PCDHGA1: variants seen among roughly 807,000 people sequenced by gnomAD.
PCDHGA1 encodes protocadherin gamma-A1.
PCDHGA1 carries 32 observed loss-of-function variants against 58.0 expected under a neutral mutation model. The ratio of observed to expected loss-of-function variants is 0.55; its 90% CI spans 0.42 to 0.74. The LOEUF (loss-of-function observed/expected upper bound fraction) is 0.74. Among genes scored for constraint, PCDHGA1 ranks in the 30% least tolerant of loss-of-function variants. The pLI, the probability that PCDHGA1 is intolerant of heterozygous loss-of-function variation, is 0.00. For missense variants in PCDHGA1, 1,205 were observed against 1,182.3 expected (o/e 1.02, Z -0.28); for synonymous variants, 498 against 501.1 (o/e 0.99, Z 0.08).
rs751921344 is a variant in PCDHGA1, at chr5:141,347,052, C to CTCCT, written c.2421+13964_2421+13967dup. ...CTTCCTTCCTTCCTCTCTCTCTTTC[C>CTCCT]TCCTTCCTTCCTTCCTTCCTCTCTC... On this transcript the variant is annotated intron_variant, in intron 1 of 3. Coordinates refer to ENST00000517417, the MANE Select transcript of PCDHGA1 (RefSeq NM_018912.3). Among the ~76,000 whole-genome samples the CTCCT allele has an allele frequency of 6.4e-5, 9 of 140,360 alleles. No homozygotes were observed. The South Asian group carries it at 6.8e-4, about 11-fold the overall frequency. 92.1% of individuals were successfully genotyped at this position (140,360 alleles called of 152,430 possible).
At chr5:141,346,568 C>T (rs771814599) in intron 1 of PCDHGA1, 68 of 1,430,610 alleles carry the variant, frequency 4.8e-5, no homozygotes, top group African/African-American at 1.4e-5. Flanking sequence ...GTCATTAGTC[C>T]TTTGACTAAA....
intron 1 of PCDHGA1, chr5:141,408,732 AT>A (rs1172232848): frequency 6.2e-7 from 1 of 1,610,014 alleles, no homozygotes; most frequent in Non-Finnish European, 8.5e-7. Context: ...TCTAATCCTT[AT>A]TTTTCATTAA....
intron 1 of PCDHGA1, chr5:141,384,502 C>A: frequency 6.2e-7 from 1 of 1,614,194 alleles, no homozygotes; most frequent in Non-Finnish European, 8.5e-7. Context: ...AGTGACTGCA[C>A]ATGACAGCGG....
At chr5:141,406,436 T>C (rs1207276044) in intron 1 of PCDHGA1, among the ~76,000 whole-genome samples, 3 of 152,234 alleles carry the variant, frequency 2.0e-5, no homozygotes, top group Non-Finnish European at 4.4e-5. Context: ...TTGCTTCTAT[T>C]CTTCCATTTC....
chr5:141,511,560 T>C lies in PCDHGA1; in HGVS notation c.*387T>C. ...CCACCCCACTCCAACAGTTCCTCTT[T>C]CCCGAGTAAGGTGGTTGGGGTGTTG... On this transcript the variant is annotated 3_prime_UTR_variant, in exon 4 of 4. Coordinates refer to ENST00000517417, the MANE Select transcript of PCDHGA1 (RefSeq NM_018912.3). The C allele has an allele frequency of 3.3e-6, 1 of 298,990 alleles. No homozygotes were observed. The highest frequency in any genetic ancestry group is 3.7e-5 in the South Asian group (1 of 27,250). The allele number at this position is 298,990 out of a possible 1,614,324, so 18.5% of individuals were successfully genotyped here.
At chr5:141,345,584 G>C in intron 1 of PCDHGA1, 3 of 1,614,192 alleles carry the variant, frequency 1.9e-6, no homozygotes, top group Non-Finnish European at 2.5e-6. Context: ...TATACGCGCT[G>C]AGATCCTTCG....
intron 1 of PCDHGA1, among the ~76,000 whole-genome samples, chr5:141,488,511 G>A (rs2099676160): frequency 6.6e-6 from 1 of 152,162 alleles, no homozygotes. Context: ...CCACATTTGG[G>A]GTCTGGGGTG....
In PCDHGA1 at chr5:141,489,353, A is replaced by G. The variant is rs1423278514; in HGVS notation, c.2422-5454A>G. 3.7e-6 allele frequency: 6 copies of G among 1,612,316 alleles called. No homozygotes were observed. In the African/African-American group the frequency reaches 6.7e-5, roughly 18 times the overall value. ...CAGCTTCGTTACTCAGTGGTGGAGG[A>G]GTCTGAGCCGGGGACGCTGGTGGGG... On this transcript the variant is annotated intron_variant, in intron 1 of 3. Transcript: ENST00000517417. This position sits in a 1 kb window ranked among gnomAD's most constrained non-coding sequence, Gnocchi z 4.5.
intron 1 of PCDHGA1, chr5:141,388,233 T>C (rs924261107): frequency 1.2e-6 from 2 of 1,608,114 alleles, no homozygotes; most frequent in South Asian, 1.1e-5. Flanking sequence ...ACTGAACTTT[T>C]ATCACGTGAA....
chr5:141,388,433 A>G, intron 1 of PCDHGA1: 1 of 1,613,878 alleles, frequency 6.2e-7, no homozygotes, highest in Non-Finnish European at 8.5e-7. Flanking sequence ...TGATAAATAA[A>G]GAGAAATCAG....
Position 141,332,400 on chromosome 5 carries a change from T to C in PCDHGA1, c.1716T>C (p.Ser572=), listed in dbSNP as rs1337221433. The change falls in exon 1 of 4, where the codon TCT becomes TCC. Residue 572 remains serine, a synonymous_variant. Transcript: ENST00000517417. This position sits in a 1 kb window ranked among gnomAD's most constrained non-coding sequence, Gnocchi z 4.6. The part of the protein sequence containing the change: ...ILYPALPTDG[S]TGVELAPLSA... Reference sequence around the variant, plus strand: ...ACCCCGCCCTCCCCACAGATGGTTCTACCGGCGTGGAGCTGGCGCCCCTCT... The same window carrying C: ...ACCCCGCCCTCCCCACAGATGGTTCCACCGGCGTGGAGCTGGCGCCCCTCT... 25 of 1,614,018 alleles carry C rather than the reference T, an allele frequency of 1.5e-5. No homozygotes were observed. The South Asian group carries it at 2.3e-4, about 15-fold the overall frequency.
At chr5:141,384,107 G>T in intron 1 of PCDHGA1, 3 of 1,602,850 alleles carry the variant, frequency 1.9e-6, no homozygotes, top group Non-Finnish European at 2.6e-6. Context: ...AATTATTATA[G>T]ATTGGTCACA....
At chr5:141,347,228 A>T (rs1384290529) in intron 1 of PCDHGA1, among the ~76,000 whole-genome samples, 1 of 146,872 alleles carries the variant, frequency 6.8e-6, no homozygotes, top group Admixed American at 7.0e-5. Flanking sequence ...ATCACGGCTC[A>T]CTGCAGCCTT....
Position 141,490,709 on chromosome 5 carries a change from C to T in PCDHGA1, c.2422-4098C>T. ...GACACTGGGGATAATGCCCGCCTCA[C>T]CTACTCCATTGTAGGAAATCAGGTT... On this transcript the variant is annotated intron_variant, in intron 1 of 3. Transcript: ENST00000517417. This position sits in a 1 kb window ranked among gnomAD's most constrained non-coding sequence, Gnocchi z 5.4. The T allele has an allele frequency of 1.9e-6, 3 of 1,614,218 alleles. No homozygotes were observed. Among genetic ancestry groups the T allele is most frequent in the Non-Finnish European group, 2.5e-6 (3 of 1,180,038 alleles).
intron 1 of PCDHGA1, among the ~76,000 whole-genome samples, chr5:141,443,858 T>C (rs1325927807): frequency 6.6e-6 from 1 of 152,162 alleles, no homozygotes; most frequent in Non-Finnish European, 1.5e-5. Context: ...GTCTGAAAAC[T>C]GAAAAAATTA....
chr5:141,356,753 G>A (rs1429942058), intron 1 of PCDHGA1: 1 of 1,613,978 alleles, frequency 6.2e-7, no homozygotes, highest in South Asian at 1.1e-5. Context: ...TATGCTCTTT[G>A]CTCCTTCGAC....
chr5:141,421,397 C>T, intron 1 of PCDHGA1: 1 of 1,614,030 alleles, frequency 6.2e-7, no homozygotes, highest in Non-Finnish European at 8.5e-7. Context: ...GGGCTGGAGC[C>T]CCGGGAGCTG....
At chr5:141,448,802 A>G (rs897172074) in intron 1 of PCDHGA1, among the ~76,000 whole-genome samples, 14 of 152,044 alleles carry the variant, frequency 9.2e-5, no homozygotes, top group Non-Finnish European at 1.8e-4. Flanking sequence ...AAAATTAGCC[A>G]GGCGTGATGG....
At position 141,410,750 on chromosome 5, in the gene PCDHGA1, A is replaced by G. The variant is rs1256862831; in HGVS notation, c.2421+77645A>G. Reference sequence around the variant, plus strand: ...CATAGCTTTTTACAATATTTTCTCAATGTTTTTTCAATTATAGTTTTCACT... The same window carrying G: ...CATAGCTTTTTACAATATTTTCTCAGTGTTTTTTCAATTATAGTTTTCACT... On this transcript the variant is annotated intron_variant, in intron 1 of 3. Coordinates refer to ENST00000517417, the MANE Select transcript of PCDHGA1 (RefSeq NM_018912.3). 23 of 1,243,022 alleles carry G rather than the reference A, an allele frequency of 1.9e-5. No homozygotes were observed. The East Asian group carries it at 4.4e-4, about 24-fold the overall frequency. 77.0% of individuals were successfully genotyped at this position (1,243,022 alleles called of 1,614,324 possible). A position where few individuals can be genotyped will look rare whatever the true frequency, so the allele number is the denominator to read the frequency against.
Sources: allele counts gnomAD v4.1 joint callset (sites outside exome capture counted in the v4.1 genomes callset), GRCh38; gene constraint gnomAD v4.1.1; non-coding constraint Gnocchi (gnomAD v3.1); transcripts MANE v1.5; gene names NCBI Gene and HGNC (gene_info 2026-07-23, HGNC 2026-07-21).